Variants in ACSS3 observed in about 807,000 individuals in gnomAD.
ACSS3 encodes acyl-CoA synthetase short-chain family member 3, mitochondrial.
In ACSS3, 64 loss-of-function variants were observed where a neutral mutation model predicts 84.2. The observed-to-expected ratio is 0.76, with a 90% CI of 0.62 to 0.94. ACSS3 has a LOEUF of 0.94. ACSS3 is among the 40% of genes least tolerant of loss of function. ACSS3 has a pLI of 0.00. For missense variants in ACSS3, 815 were observed against 867.6 expected, an observed-to-expected ratio of 0.94 and a Z score of 0.76; for synonymous variants, 317 against 310.1, an observed-to-expected ratio of 1.02 and a Z score of -0.23.
chr12:81,109,325 G>T (rs1388482879), intron 1 of ACSS3, among the ~76,000 whole-genome samples: 2 of 152,112 alleles, frequency 1.3e-5, no homozygotes, highest in Non-Finnish European at 2.9e-5. Context: ...AGCTGGAAGT[G>T]TGAGGTATGT....
At chr12:81,176,206 A>G (rs1475193104) in intron 8 of ACSS3, among the ~76,000 whole-genome samples, 1 of 152,216 alleles carries the variant, frequency 6.6e-6, no homozygotes, top group African/African-American at 2.4e-5. Context: ...TCCTGAGACA[A>G]TTACAAATAC....
Position 81,240,995 on chromosome 12 carries a change from C to T in ACSS3, c.1719+7524C>T, listed in dbSNP as rs569469458. 1.6e-3 allele frequency among the ~76,000 whole-genome samples: 178 copies of T among 114,718 alleles called. 1 individual carries two copies. The highest frequency in any genetic ancestry group is 5.7e-3 in the African/African-American group (172 of 30,406). The allele number at this position is 114,718 out of a possible 152,430, so 75.3% of individuals were successfully genotyped here. A position where few individuals can be genotyped will look rare whatever the true frequency, so the allele number is the denominator to read the frequency against. ...ATGCTATCCCTCCCCCCTCCCCCCA[C>T]CCCACAACAGTCCCCATGTGTGATG... On this transcript the variant is annotated intron_variant, in intron 13 of 15. Coordinates refer to ENST00000548058, the MANE Select transcript of ACSS3 (RefSeq NM_024560.4).
chr12:81,122,689 T>C lies in ACSS3; in HGVS notation c.457-12127T>C, dbSNP rs1884733709. Among the ~76,000 whole-genome samples the C allele has an allele frequency of 2.0e-5, 3 of 152,200 alleles. No individual in the cohort carries two copies. The South Asian group carries it at 6.2e-4, about 31-fold the overall frequency. On this transcript the variant is annotated intron_variant, in intron 2 of 15. Transcript: ENST00000548058. ...ACACTCATTTGGGAAAGTGTGTACA[T>C]TAGCCACAGAATTATGCTAGATTTT...
intron 7 of ACSS3, among the ~76,000 whole-genome samples, chr12:81,159,654 C>G (rs74350539): frequency 6.6e-6 from 1 of 152,264 alleles, no homozygotes; most frequent in African/African-American, 2.4e-5. Context: ...TAACCCTAAC[C>G]GTGTATGAAC....
intron 4 of ACSS3, 33 bp from the exon 5 acceptor site, chr12:81,143,074 T>G: frequency 6.3e-7 from 1 of 1,590,172 alleles, no homozygotes; most frequent in South Asian, 1.1e-5. Flanking sequence ...ATCTCCTTAT[T>G]ACAGTACATA....
intron 2 of ACSS3, among the ~76,000 whole-genome samples, chr12:81,117,600 G>T (rs187596082): frequency 6.6e-6 from 1 of 152,232 alleles, no homozygotes; most frequent in East Asian, 1.9e-4. Flanking sequence ...AGAAAGTGAG[G>T]TTAGGTGAGT....
intron 11 of ACSS3, among the ~76,000 whole-genome samples, chr12:81,227,398 T>TAC (rs34993441): frequency 0.46 from 69,007 of 148,548 alleles, 16,041 homozygotes; most frequent in Middle Eastern, 0.55. Flanking sequence ...GAGGACTATT[T>TAC]ACACACACAC....
intron 2 of ACSS3, among the ~76,000 whole-genome samples, chr12:81,118,418 G>A (rs946729762): frequency 8.5e-5 from 13 of 152,162 alleles, no homozygotes; most frequent in African/African-American, 2.9e-4. Context: ...CTCTTGGGAA[G>A]GTGGAGGAGG....
intron 7 of ACSS3, among the ~76,000 whole-genome samples, chr12:81,164,139 GT>G (rs904300046): frequency 3.9e-5 from 6 of 152,078 alleles, no homozygotes; most frequent in Non-Finnish European, 8.8e-5. Flanking sequence ...CCCTATGTAG[GT>G]GTAGCATTTT....
chr12:81,145,420 A>T (rs992144275), intron 5 of ACSS3, among the ~76,000 whole-genome samples: 7 of 152,156 alleles, frequency 4.6e-5, no homozygotes, highest in Non-Finnish European at 1.0e-4. Context: ...TTGAGTGCTC[A>T]ACAGATACAA....
intron 8 of ACSS3, among the ~76,000 whole-genome samples, chr12:81,184,064 TA>T (rs931755598): frequency 6.6e-6 from 1 of 151,974 alleles, no homozygotes; most frequent in Non-Finnish European, 1.5e-5. Flanking sequence ...CTAACAAACT[TA>T]ATAAGATTGA....
intron 5 of ACSS3, among the ~76,000 whole-genome samples, chr12:81,151,298 A>G (rs1886598946): frequency 6.6e-6 from 1 of 152,168 alleles, no homozygotes; most frequent in African/African-American, 2.4e-5. Context: ...AGAGTTCTAG[A>G]GTTCATAACT....
intron 2 of ACSS3, among the ~76,000 whole-genome samples, chr12:81,121,015 T>C (rs1392113902): frequency 1.3e-5 from 2 of 152,242 alleles, no homozygotes; most frequent in Non-Finnish European, 2.9e-5. Flanking sequence ...ATTTTTCTTC[T>C]CTTTAAATGT....
At chr12:81,118,162 A>T (rs1884209606) in intron 2 of ACSS3, 1 of 152,174 alleles carries the variant, frequency 6.6e-6, no homozygotes, top group Admixed American at 6.6e-5. Context: ...AATAACTGAT[A>T]CACTATCCCC....
chr12:81,228,029 A>G (rs1470738333), intron 11 of ACSS3, among the ~76,000 whole-genome samples: 1 of 151,826 alleles, frequency 6.6e-6, no homozygotes, highest in Non-Finnish European at 1.5e-5. Flanking sequence ...TTAATTCCAG[A>G]GAGAAAGTGA....
intron 7 of ACSS3, among the ~76,000 whole-genome samples, chr12:81,167,313 G>A (rs946438655): frequency 6.6e-6 from 1 of 152,166 alleles, no homozygotes; most frequent in Non-Finnish European, 1.5e-5. Flanking sequence ...AGGAAAGGAC[G>A]AGAGAAGAAC....
At chr12:81,252,100 C>G in intron 13 of ACSS3, among the ~76,000 whole-genome samples, 1 of 152,068 alleles carries the variant, frequency 6.6e-6, no homozygotes, top group Admixed American at 6.6e-5. Flanking sequence ...AGGGTTTTTG[C>G]CCCAACCCCT....
At chr12:81,135,406 C>T (rs1244891882) in intron 3 of ACSS3, among the ~76,000 whole-genome samples, 2 of 134,886 alleles carry the variant, frequency 1.5e-5, no homozygotes, top group Non-Finnish European at 3.1e-5. Flanking sequence ...TACTTAAATA[C>T]ATATAATAAT....
intron 11 of ACSS3, among the ~76,000 whole-genome samples, chr12:81,220,864 T>C (rs1035178657): frequency 6.6e-6 from 1 of 152,042 alleles, no homozygotes; most frequent in Non-Finnish European, 1.5e-5. Flanking sequence ...TTAGCATTTT[T>C]TGAATTTTGA....
Sources: gnomAD v4.1 joint callset for allele counts (sites outside exome capture counted in the v4.1 genomes callset) on GRCh38, gnomAD v4.1.1 for gene constraint, MANE v1.5 for transcripts, NCBI Gene and HGNC (gene_info 2026-07-23, HGNC 2026-07-21) for gene names.